REXO5: variants seen among roughly 807,000 people sequenced by gnomAD.
REXO5 encodes the protein RNA exonuclease 5.
REXO5 carries 48 observed loss-of-function variants against 88.5 expected under a neutral mutation model. The ratio of observed to expected loss-of-function variants is 0.54; its 90% confidence interval spans 0.43 to 0.69. The LOEUF (loss-of-function observed/expected upper bound fraction) is 0.69. Among genes scored for constraint, REXO5 ranks in the 30% least tolerant of loss-of-function variants. The pLI is 0.00. For missense variants in REXO5, 749 were observed against 912.2 expected, an observed-to-expected ratio of 0.82 and a Z score of 2.30; for synonymous variants, 311 against 336.5, an observed-to-expected ratio of 0.92 and a Z score of 0.83.
intron 13 of REXO5, among the ~76,000 whole-genome samples, chr16:20,834,695 T>A (rs547190927): frequency 1.3e-5 from 2 of 152,270 alleles, no homozygotes; most frequent in Admixed American, 6.5e-5. Flanking sequence ...TCCGTTGCTA[T>A]GTCTTAGGTT....
intron 12 of REXO5, 42 bp downstream of exon 12, chr16:20,832,301 T>C: frequency 7.8e-7 from 1 of 1,274,274 alleles, no homozygotes; most frequent in Non-Finnish European, 1.1e-6. Flanking sequence ...ACAAATGGAG[T>C]ATCTAGTTTC....
Position 20,839,840 on chromosome 16 carries a change from C to A in REXO5, c.1469C>A (p.Thr490Asn). 6.2e-7 allele frequency: 1 copy of A among 1,610,544 alleles called. No individual in the cohort carries two copies. Among genetic ancestry groups the A allele is most frequent in the Non-Finnish European group, 8.5e-7 (1 of 1,177,016 alleles). ...TTTAAGGCCTTTTCACCTGTCCTCA[C>A]TGAGGAGATGAACAAAAGGGTAAGT... ...FSFKAFSPVL[T>N]EEMNKRMRIK... The change falls in exon 14 of 20, where the codon ACT becomes AAT. Residue 490 changes from threonine (T) to asparagine (N), a missense_variant. Physicochemically the swap from Thr to Asn is moderately conservative, Grantham distance 65 (BLOSUM62 0). Coordinates refer to ENST00000261377, the MANE Select transcript of REXO5 (RefSeq NM_030941.3).
At chr16:20,812,468 T>C (rs2081014432) in intron 2 of REXO5, among the ~76,000 whole-genome samples, 1 of 152,140 alleles carries the variant, frequency 6.6e-6, no homozygotes. Context: ...GAGGTTGTAG[T>C]GAGCAAAGAT....
At chr16:20,814,779 C>G in intron 3 of REXO5, 148 bp from the exon 4 acceptor site, 1 of 691,388 alleles carries the variant, frequency 1.4e-6, no homozygotes, top group Non-Finnish European at 2.2e-6. Flanking sequence ...TGGCTGTCTT[C>G]CAGTTCCAGG....
chr16:20,828,780 A>C (rs2081296297), intron 11 of REXO5, among the ~76,000 whole-genome samples: 1 of 152,096 alleles, frequency 6.6e-6, no homozygotes, highest in East Asian at 1.9e-4. Flanking sequence ...TACAAAAATT[A>C]GCCAGGTGTG....
intron 19 of REXO5, 70 bp downstream of exon 19, chr16:20,846,409 C>G: frequency 3.4e-6 from 4 of 1,186,150 alleles, no homozygotes; most frequent in Non-Finnish European, 5.0e-6. Context: ...GAGAAAAAGC[C>G]TTTTGCTGAT....
At chr16:20,843,000 C>CA (rs1294598107) in intron 15 of REXO5, among the ~76,000 whole-genome samples, 11 of 152,168 alleles carry the variant, frequency 7.2e-5, no homozygotes, top group Non-Finnish European at 1.3e-4. Context: ...TCTTCACTGA[C>CA]ACTTGTTTTC....
intron 5 of REXO5, among the ~76,000 whole-genome samples, chr16:20,817,087 T>C (rs1359107381): frequency 6.6e-6 from 1 of 152,256 alleles, no homozygotes; most frequent in Admixed American, 6.5e-5. Context: ...TTAGGTATTG[T>C]TCAATGATAC....
chr16:20,825,055 T>C (rs1412463036), intron 7 of REXO5, among the ~76,000 whole-genome samples: 1 of 152,102 alleles, frequency 6.6e-6, no homozygotes, highest in Non-Finnish European at 1.5e-5. Context: ...TTTAATCAGG[T>C]CTTTGCATGT....
At chr16:20,845,295 C>A in intron 18 of REXO5, 54 bp downstream of exon 18, 13 of 1,417,242 alleles carry the variant, frequency 9.2e-6, no homozygotes, top group Middle Eastern at 2.4e-4. Flanking sequence ...TGCTCAGTGA[C>A]ACTTAATCCT....
At position 20,849,472 on chromosome 16, in the gene REXO5, T is replaced by G. The variant is rs1225899192; in HGVS notation, c.2317T>G (p.Cys773Gly). Residue 773 changes from cysteine to glycine, a missense_variant, in exon 20 of 20, where the codon TGT becomes GGT. Cys to Gly is a radical substitution (Grantham distance 159). Transcript: ENST00000261377. ...AGAAGAAAGCGCTGGCCCAGGCCTGTGTTCGTGAGTCGGCCTGCCATGTTT... is the reference window on the plus strand; with the variant it reads ...AGAAGAAAGCGCTGGCCCAGGCCTGGGTTCGTGAGTCGGCCTGCCATGTTT... Reference protein sequence around the residue: ...EEEESAGPGLCS With the variant: ...EEEESAGPGLGS The G allele has an allele frequency of 6.2e-7, 1 of 1,613,894 alleles. No individual in the cohort carries two copies. Among genetic ancestry groups the G allele is most frequent in the Non-Finnish European group, 8.5e-7 (1 of 1,179,876 alleles).
chr16:20,825,151 T>C (rs564281717), intron 7 of REXO5, among the ~76,000 whole-genome samples: 46 of 152,352 alleles, frequency 3.0e-4, no homozygotes, highest in Non-Finnish European at 5.4e-4. Flanking sequence ...TTTGGCTTAG[T>C]TTTACACCTT....
chr16:20,811,269 G>A (rs1006517971), intron 2 of REXO5, among the ~76,000 whole-genome samples: 11 of 152,120 alleles, frequency 7.2e-5, no homozygotes, highest in African/African-American at 2.2e-4. Context: ...TTAATCTCAT[G>A]TTTTTATTTG....
intron 11 of REXO5, 33 bp from the exon 12 acceptor site, chr16:20,832,123 C>T: frequency 1.4e-6 from 2 of 1,394,084 alleles, no homozygotes; most frequent in Admixed American, 4.0e-5. Context: ...GCTCTGCAAG[C>T]AATTATATTT....
chr16:20,830,595 G>A (rs945413070), intron 11 of REXO5, among the ~76,000 whole-genome samples: 1 of 152,158 alleles, frequency 6.6e-6, no homozygotes, highest in Non-Finnish European at 1.5e-5. Flanking sequence ...CAAAAGCAGG[G>A]CTTTTATTTT....
rs760405499 is a variant in REXO5, at chr16:20,844,749, C to T, written c.1840C>T (p.Gln614Ter). The change falls in exon 17 of 20, where the codon CAG (glutamine) becomes TAG (stop). Residue 614 changes from glutamine (Q) to a stop codon, truncating the protein, a stop_gained. Coordinates refer to ENST00000261377, the MANE Select transcript of REXO5 (RefSeq NM_030941.3). LOFTEE classifies it high-confidence loss of function. ...TGGAGTGAGTGAAACCTTCAAAGAA[C>T]AGCTATTGCAGGAGCCCCGCCTCTT... is the stretch of plus-strand genomic sequence containing the variant. ...LSGVSETFKE[Q>*]LLQEPRLFLG... The T allele has an allele frequency of 1.2e-6, 2 of 1,614,150 alleles. No individual in the cohort carries two copies.
Position 20,825,686 on chromosome 16 carries a change from C to T in REXO5, c.706-147C>T. The T allele has an allele frequency of 6.7e-6, 4 of 592,926 alleles. No individual in the cohort carries two copies. In the South Asian group the frequency reaches 8.9e-5, roughly 13 times the overall value. The allele number at this position is 592,926 out of a possible 1,614,324, so 36.7% of individuals were successfully genotyped here. On this transcript the variant is annotated intron_variant, in intron 7 of 19. Coordinates refer to ENST00000261377, the MANE Select transcript of REXO5 (RefSeq NM_030941.3). ...CAGCCTGCCCAGCTTTAATTTCACTCACACTAGATCCTCTAGAAAGCAAGT... is the reference window on the plus strand; with the variant it reads ...CAGCCTGCCCAGCTTTAATTTCACTTACACTAGATCCTCTAGAAAGCAAGT...
intron 14 of REXO5, 22 bp from the exon 15 acceptor site, chr16:20,840,308 AT>A: frequency 6.6e-7 from 1 of 1,508,156 alleles, no homozygotes; most frequent in Non-Finnish European, 9.0e-7. Context: ...TTCCCATACT[AT>A]ATTCTGTTGT....
chr16:20,843,073 G>T (rs551483262), intron 15 of REXO5, among the ~76,000 whole-genome samples: 7 of 152,284 alleles, frequency 4.6e-5, no homozygotes, highest in African/African-American at 1.7e-4. Flanking sequence ...GGTTTGATTT[G>T]CGTTTCCCTA....
Sources: gnomAD v4.1 joint callset for allele counts (sites outside exome capture counted in the v4.1 genomes callset) on GRCh38, gnomAD v4.1.1 for gene constraint, MANE v1.5 for transcripts, NCBI Gene and HGNC (gene_info 2026-07-23, HGNC 2026-07-21) for gene names.